The following EYS variants were observed in gnomAD, a reference collection of about 807,000 sequenced individuals.
EYS encodes the protein EGF-like photoreceptor maintenance factor, also known as protein eyes shut homolog.
EYS carries 250 observed loss-of-function variants against 282.1 expected under a neutral mutation model. The ratio of observed to expected loss-of-function variants is 0.89; its 90% CI spans 0.80 to 0.98. EYS has a LOEUF of 0.98. Among genes scored for constraint, EYS ranks in the 50% least tolerant of loss-of-function variants. The pLI, the probability that EYS is intolerant of heterozygous loss-of-function variation, is 0.00. For synonymous variants in EYS, 1,355 were observed against 1,282.9 expected (o/e 1.06, Z -1.20); for missense variants, 4,016 against 3,709.0 (o/e 1.08, Z -2.15).
rs147183937 is a variant in EYS, at chr6:65,251,725, T to G, written c.2023+44138A>C. Among the ~76,000 whole-genome samples the G allele has an allele frequency of 3.9e-3, 598 of 151,998 alleles. 6 individuals carry two copies. Among genetic ancestry groups the G allele is most frequent in the African/African-American group, 0.014 (567 of 41,476 alleles). On this transcript the variant is annotated intron_variant, in intron 12 of 42. Transcript: ENST00000503581. Reference sequence around the variant, plus strand: ...ATTTTTTCCCCTCAAATATCCATAGTCTGAACGCAACGCTTCAGAACTGGC... The same window carrying G: ...ATTTTTTCCCCTCAAATATCCATAGGCTGAACGCAACGCTTCAGAACTGGC...
chr6:64,262,409 T>A (rs1480733801), intron 30 of EYS, among the ~76,000 whole-genome samples: 1 of 151,810 alleles, frequency 6.6e-6, no homozygotes, highest in Non-Finnish European at 1.5e-5. Flanking sequence ...TATAATTATA[T>A]ATGTACTGTA....
chr6:64,982,831 G>A (rs1220658285), intron 14 of EYS, among the ~76,000 whole-genome samples: 1 of 151,012 alleles, frequency 6.6e-6, no homozygotes, highest in Admixed American at 6.6e-5. Context: ...TAATAAAGTG[G>A]CAACTTCTGA....
At chr6:63,766,990 GTCC>G (rs939474241) in intron 40 of EYS, among the ~76,000 whole-genome samples, 86 of 152,150 alleles carry the variant, frequency 5.7e-4, no homozygotes, top group African/African-American at 1.9e-3. Flanking sequence ...ACCATATCAT[GTCC>G]TCAATAGATG....
intron 2 of EYS, among the ~76,000 whole-genome samples, chr6:65,632,149 A>G (rs914305594): frequency 2.0e-5 from 3 of 152,176 alleles, no homozygotes; most frequent in African/African-American, 7.2e-5. Context: ...AGAACCAATA[A>G]AAAGTAGGCA....
intron 26 of EYS, among the ~76,000 whole-genome samples, chr6:64,588,017 G>A (rs1349803551): frequency 6.6e-6 from 1 of 152,010 alleles, no homozygotes; most frequent in African/African-American, 2.4e-5. Context: ...ATAATTTTAA[G>A]ATGGAGTCTG....
At chr6:63,869,696 T>C (rs1184257950) in intron 35 of EYS, among the ~76,000 whole-genome samples, 4 of 152,148 alleles carry the variant, frequency 2.6e-5, no homozygotes, top group Admixed American at 2.0e-4. Flanking sequence ...GCTCATTATA[T>C]ATTAGGAAAA....
At chr6:64,002,473 A>T (rs944364789) in intron 33 of EYS, among the ~76,000 whole-genome samples, 1 of 152,236 alleles carries the variant, frequency 6.6e-6, no homozygotes, top group Non-Finnish European at 1.5e-5. Context: ...CTAAAGGAGC[A>T]CACTGTAACA....
chr6:64,000,335 G>T (rs996159449), intron 33 of EYS, among the ~76,000 whole-genome samples: 1 of 150,988 alleles, frequency 6.6e-6, no homozygotes, highest in Non-Finnish European at 1.5e-5. Context: ...GGGACTACAG[G>T]CGCCCGCCAC....
At chr6:65,451,366 T>C (rs9351495) in intron 5 of EYS, among the ~76,000 whole-genome samples, 28,133 of 152,024 alleles carry the variant, frequency 0.19, 3,249 homozygotes, top group Middle Eastern at 0.3. Flanking sequence ...ATTTGTTTAA[T>C]TCAAAGAATT....
At chr6:64,589,308 C>T (rs189189515) in intron 26 of EYS, among the ~76,000 whole-genome samples, 94 of 152,006 alleles carry the variant, frequency 6.2e-4, no homozygotes, top group African/African-American at 2.1e-3. Context: ...AATTACACAC[C>T]TAAAACCTTT....
intron 9 of EYS, among the ~76,000 whole-genome samples, chr6:65,344,838 T>C (rs988769549): frequency 6.6e-6 from 1 of 151,646 alleles, no homozygotes; most frequent in Non-Finnish European, 1.5e-5. Context: ...TTAATAGTGG[T>C]AATAAAAGAA....
At chr6:64,151,351 AT>A (rs1562226780) in intron 31 of EYS, among the ~76,000 whole-genome samples, 5 of 104,262 alleles carry the variant, frequency 4.8e-5, no homozygotes, top group Non-Finnish European at 9.6e-5. Context: ...ATATATATAT[AT>A]ATATATATAT....
intron 35 of EYS, among the ~76,000 whole-genome samples, chr6:63,950,005 C>G (rs1388367375): frequency 6.6e-6 from 1 of 152,062 alleles, no homozygotes; most frequent in East Asian, 1.9e-4. Context: ...AACCTCATCT[C>G]TACTAAAAAT....
chr6:64,495,887 T>G (rs972179747), intron 26 of EYS, among the ~76,000 whole-genome samples: 1 of 151,912 alleles, frequency 6.6e-6, no homozygotes, highest in African/African-American at 2.4e-5. Flanking sequence ...TATTAAATGA[T>G]ATCAGATTTT....
chr6:64,026,884 A>T (rs563198642), intron 33 of EYS, among the ~76,000 whole-genome samples: 10 of 152,314 alleles, frequency 6.6e-5, no homozygotes, highest in African/African-American at 2.4e-4. Context: ...CTCTGATTTA[A>T]AACAGATCAA....
intron 26 of EYS, among the ~76,000 whole-genome samples, chr6:64,445,904 G>A (rs762174490): frequency 1.3e-5 from 2 of 151,530 alleles, no homozygotes; most frequent in African/African-American, 2.4e-5. Flanking sequence ...GGGCAAAACT[G>A]GTATTCTGTT....
At chr6:64,838,694 G>T (rs927869166) in intron 19 of EYS, among the ~76,000 whole-genome samples, 4 of 151,230 alleles carry the variant, frequency 2.6e-5, no homozygotes, top group African/African-American at 9.7e-5. Context: ...ACAAATTACT[G>T]CTTATGTGAT....
At chr6:64,037,905 T>C (rs1266170548) in intron 33 of EYS, among the ~76,000 whole-genome samples, 1 of 152,196 alleles carries the variant, frequency 6.6e-6, no homozygotes, top group Non-Finnish European at 1.5e-5. Flanking sequence ...TCTAAAACTG[T>C]GGAAACATCA....
intron 15 of EYS, among the ~76,000 whole-genome samples, chr6:64,916,750 T>TA (rs1186252629): frequency 6.6e-6 from 1 of 152,186 alleles, no homozygotes; most frequent in Non-Finnish European, 1.5e-5. Flanking sequence ...TTTCTGGTAG[T>TA]AAACACTTGA....
Sources: allele counts gnomAD v4.1 joint callset (sites outside exome capture counted in the v4.1 genomes callset), GRCh38; gene constraint gnomAD v4.1.1; transcripts MANE v1.5; gene names NCBI Gene and HGNC (gene_info 2026-07-23, HGNC 2026-07-21).